The following ZNF385B variants were observed in gnomAD, a reference collection of about 807,000 sequenced individuals.
ZNF385B encodes the protein zinc finger protein 533.
A neutral mutation model predicts 39.2 loss-of-function variants in ZNF385B; 23 were observed. The observed-to-expected ratio is 0.59, with a 90% CI of 0.42 to 0.83. The LOEUF (loss-of-function observed/expected upper bound fraction) is 0.83. ZNF385B is among the 40% of genes least tolerant of loss of function. ZNF385B has a pLI of 0.00. For synonymous variants in ZNF385B, 205 were observed against 222.6 expected, an observed-to-expected ratio of 0.92 and a Z score of 0.70; for missense variants, 552 against 598.9, an observed-to-expected ratio of 0.92 and a Z score of 0.82.
intron 3 of ZNF385B, among the ~76,000 whole-genome samples, chr2:179,724,265 C>T (rs1332533351): frequency 1.3e-5 from 2 of 152,140 alleles, no homozygotes. Flanking sequence ...GCCAAGATTG[C>T]GCCACTGCAC....
chr2:179,795,009 G>C (rs1446574426), intron 1 of ZNF385B, among the ~76,000 whole-genome samples: 2 of 152,124 alleles, frequency 1.3e-5, no homozygotes, highest in Admixed American at 6.6e-5. Flanking sequence ...GCAGAGAACA[G>C]TAATATGTCT....
At chr2:179,472,872 G>T (rs906499373) in intron 6 of ZNF385B, among the ~76,000 whole-genome samples, 3 of 152,076 alleles carry the variant, frequency 2.0e-5, no homozygotes, top group Non-Finnish European at 4.4e-5. Context: ...GTGTTAGATC[G>T]TTCTTTCAAT....
intron 3 of ZNF385B, among the ~76,000 whole-genome samples, chr2:179,550,840 G>C (rs1413407368): frequency 6.8e-6 from 1 of 146,198 alleles, no homozygotes; most frequent in African/African-American, 2.6e-5. Context: ...TCACCTCTGG[G>C]TGCCTGAAAG....
chr2:179,723,955 G>A (rs982939032), intron 3 of ZNF385B, among the ~76,000 whole-genome samples: 2 of 152,184 alleles, frequency 1.3e-5, no homozygotes, highest in East Asian at 3.9e-4. Context: ...ATAAAAACTA[G>A]TATATTCTAG....
At chr2:179,700,578 GTAGAGTGCTA>G (rs1390416785) in intron 3 of ZNF385B, among the ~76,000 whole-genome samples, 1 of 152,204 alleles carries the variant, frequency 6.6e-6, no homozygotes, top group East Asian at 1.9e-4. Flanking sequence ...ATGATAGAGA[GTAGAGTGCTA>G]TAGCAAAGAA....
chr2:179,798,629 T>C (rs543984461), intron 1 of ZNF385B, among the ~76,000 whole-genome samples: 6 of 152,012 alleles, frequency 3.9e-5, no homozygotes, highest in Non-Finnish European at 8.8e-5. Context: ...ACAATATGAT[T>C]ACTAACCCCA....
chr2:179,832,815 C>A (rs1194654728), intron 1 of ZNF385B, among the ~76,000 whole-genome samples: 2 of 152,126 alleles, frequency 1.3e-5, no homozygotes, highest in African/African-American at 2.4e-5. Context: ...ACACATTATG[C>A]AATTAATTTT....
At chr2:179,662,256 T>C (rs926309467) in intron 3 of ZNF385B, among the ~76,000 whole-genome samples, 1 of 152,092 alleles carries the variant, frequency 6.6e-6, no homozygotes. Context: ...GCAGAAGAAA[T>C]TGCTAATCCT....
intron 3 of ZNF385B, among the ~76,000 whole-genome samples, chr2:179,620,696 G>A (rs1456494669): frequency 6.6e-6 from 1 of 152,020 alleles, no homozygotes; most frequent in Non-Finnish European, 1.5e-5. Context: ...GAGTCTTACA[G>A]TCATATATTC....
At chr2:179,767,091 T>C (rs1703745702) in intron 3 of ZNF385B, among the ~76,000 whole-genome samples, 1 of 152,148 alleles carries the variant, frequency 6.6e-6, no homozygotes, top group African/African-American at 2.4e-5. Context: ...TAACACAGTG[T>C]GGAAGAAAGA....
chr2:179,457,043 C>T (rs938593102), intron 6 of ZNF385B, among the ~76,000 whole-genome samples: 3 of 152,124 alleles, frequency 2.0e-5, no homozygotes, highest in African/African-American at 7.2e-5. Flanking sequence ...CCTTGAACCC[C>T]TACCAGTTGA....
At chr2:179,492,197 T>C (rs2055307071) in intron 5 of ZNF385B, among the ~76,000 whole-genome samples, 1 of 152,152 alleles carries the variant, frequency 6.6e-6, no homozygotes, top group Non-Finnish European at 1.5e-5. Context: ...TATTTCAGAG[T>C]TTATAGTGTT....
chr2:179,507,708 T>C (rs1372306940), intron 5 of ZNF385B, among the ~76,000 whole-genome samples: 1 of 152,234 alleles, frequency 6.6e-6, no homozygotes, highest in Non-Finnish European at 1.5e-5. Flanking sequence ...TCTCTTCTCC[T>C]AACTCCCTGT....
intron 5 of ZNF385B, among the ~76,000 whole-genome samples, chr2:179,503,724 G>A (rs1002931611): frequency 3.3e-5 from 5 of 151,732 alleles, no homozygotes; most frequent in Non-Finnish European, 5.9e-5. Context: ...GAGAACATGC[G>A]GTGTTTGTTT....
At chr2:179,499,898 C>T (rs2056600128) in intron 5 of ZNF385B, among the ~76,000 whole-genome samples, 1 of 151,842 alleles carries the variant, frequency 6.6e-6, no homozygotes, top group Non-Finnish European at 1.5e-5. Context: ...TAAAGACTCT[C>T]CACATAAAAA....
intron 5 of ZNF385B, 35 bp from the exon 6 acceptor site, chr2:179,483,469 C>A (rs774393620): frequency 6.2e-7 from 1 of 1,612,252 alleles, no homozygotes; most frequent in Non-Finnish European, 8.5e-7. Context: ...CATTTTTTTG[C>A]TAATTACAAA....
intron 3 of ZNF385B, among the ~76,000 whole-genome samples, chr2:179,749,287 G>A (rs369507595): frequency 6.6e-6 from 1 of 152,066 alleles, no homozygotes; most frequent in African/African-American, 2.4e-5. Context: ...TCACCAGAGG[G>A]CAAGCTCTTG....
intron 3 of ZNF385B, among the ~76,000 whole-genome samples, chr2:179,682,022 C>T (rs1409564378): frequency 2.0e-5 from 3 of 152,114 alleles, no homozygotes; most frequent in African/African-American, 7.2e-5. Flanking sequence ...AAATCGTGTC[C>T]TCAACCAGTC....
intron 3 of ZNF385B, among the ~76,000 whole-genome samples, chr2:179,760,171 T>C (rs1313801767): frequency 6.6e-6 from 1 of 151,840 alleles, no homozygotes; most frequent in Non-Finnish European, 1.5e-5. Flanking sequence ...GACATTGATC[T>C]GATGTACAAA....
Sources: allele counts gnomAD v4.1 joint callset (sites outside exome capture counted in the v4.1 genomes callset), GRCh38; gene constraint gnomAD v4.1.1; transcripts MANE v1.5; gene names NCBI Gene and HGNC (gene_info 2026-07-23, HGNC 2026-07-21).